Variants in ZNF618 observed in about 807,000 individuals in gnomAD.
ZNF618 encodes zinc finger protein 618.
In ZNF618, 34 loss-of-function variants were observed where a neutral mutation model predicts 103.0. The ratio of observed to expected loss-of-function variants is 0.33; its 90% CI spans 0.25 to 0.44. The LOEUF is 0.44. ZNF618 is among the 20% of genes least tolerant of loss of function. The pLI, the probability that ZNF618 is intolerant of heterozygous loss-of-function variation, is 1.00. For synonymous variants in ZNF618, 551 were observed against 542.2 expected (o/e 1.02, Z -0.23); for missense variants, 1,059 against 1,295.4 (o/e 0.82, Z 2.80).
At chr9:113,976,217 G>A (rs180799970) in intron 2 of ZNF618, among the ~76,000 whole-genome samples, 9 of 152,326 alleles carry the variant, frequency 5.9e-5, no homozygotes, top group African/African-American at 2.2e-4. Flanking sequence ...TCCAGCAAAG[G>A]GAATTGGTGG....
At chr9:113,936,864 T>C (rs1256373039) in intron 1 of ZNF618, among the ~76,000 whole-genome samples, 1 of 152,206 alleles carries the variant, frequency 6.6e-6, no homozygotes, top group Non-Finnish European at 1.5e-5. Flanking sequence ...GTGGGATTTC[T>C]TTTTGTGTGT....
intron 1 of ZNF618, among the ~76,000 whole-genome samples, chr9:113,923,480 T>C (rs1262036868): frequency 6.6e-6 from 1 of 152,142 alleles, no homozygotes; most frequent in Non-Finnish European, 1.5e-5. Context: ...TTTCCTAGCT[T>C]GCTAAGAGTT....
chr9:114,045,474 A>G (rs1336622930), intron 13 of ZNF618, among the ~76,000 whole-genome samples: 2 of 151,958 alleles, frequency 1.3e-5, no homozygotes, highest in African/African-American at 2.4e-5. Context: ...TGAAAAGACT[A>G]TTATTTTCCC....
At chr9:113,987,809 G>A (rs867107315) in intron 2 of ZNF618, among the ~76,000 whole-genome samples, 1 of 152,154 alleles carries the variant, frequency 6.6e-6, no homozygotes, top group African/African-American at 2.4e-5. Context: ...TTCTGCCTGC[G>A]CAACATAGTG....
intron 13 of ZNF618, among the ~76,000 whole-genome samples, chr9:114,040,149 G>A (rs1439796173): frequency 6.6e-6 from 1 of 152,132 alleles, no homozygotes; most frequent in African/African-American, 2.4e-5. Context: ...CTATGGAAGG[G>A]CAGAGAATAA....
At chr9:113,944,324 C>T (rs1025228055) in intron 1 of ZNF618, among the ~76,000 whole-genome samples, 1 of 152,206 alleles carries the variant, frequency 6.6e-6, no homozygotes, top group Non-Finnish European at 1.5e-5. Context: ...GTTACCTGGG[C>T]TGGAGTGCAG....
intron 1 of ZNF618, among the ~76,000 whole-genome samples, chr9:113,962,229 C>A (rs556253681): frequency 6.6e-6 from 1 of 152,146 alleles, no homozygotes; most frequent in Non-Finnish European, 1.5e-5. Flanking sequence ...TTGGAATCTT[C>A]CTTGACTCTT....
intron 1 of ZNF618, among the ~76,000 whole-genome samples, chr9:113,886,817 A>G (rs1298531662): frequency 6.6e-6 from 1 of 152,126 alleles, no homozygotes; most frequent in Non-Finnish European, 1.5e-5. Context: ...AAATGTGGGT[A>G]GTTAATCCAT....
At chr9:113,953,904 A>C (rs1836005081) in intron 1 of ZNF618, among the ~76,000 whole-genome samples, 1 of 152,152 alleles carries the variant, frequency 6.6e-6, no homozygotes, top group African/African-American at 2.4e-5. Flanking sequence ...CCAGTTGATC[A>C]ATATCTTTTG....
intron 12 of ZNF618, among the ~76,000 whole-genome samples, chr9:114,034,417 C>CT (rs1564328821): frequency 6.6e-6 from 1 of 152,218 alleles, no homozygotes; most frequent in Non-Finnish European, 1.5e-5. Context: ...CAATCGGGAA[C>CT]GATAGCGCAA....
At chr9:114,020,887 A>G (rs1488487879) in intron 10 of ZNF618, among the ~76,000 whole-genome samples, 1 of 152,020 alleles carries the variant, frequency 6.6e-6, no homozygotes, top group African/African-American at 2.4e-5. Context: ...CATAGAGTTC[A>G]GTTTTTTATT....
intron 2 of ZNF618, among the ~76,000 whole-genome samples, chr9:113,985,627 T>C (rs113544660): frequency 0.01 from 1,560 of 152,266 alleles, 18 homozygotes; most frequent in Non-Finnish European, 0.018. Flanking sequence ...ACGAGCATCT[T>C]GGTTTTGGCT....
chr9:114,019,202 T>G (rs968115193), intron 10 of ZNF618, among the ~76,000 whole-genome samples: 1 of 152,260 alleles, frequency 6.6e-6, no homozygotes, highest in Non-Finnish European at 1.5e-5. Context: ...TTTTTACTTC[T>G]GAGCAATGTT....
chr9:113,950,790 G>C (rs1214730825), intron 1 of ZNF618, among the ~76,000 whole-genome samples: 2 of 152,152 alleles, frequency 1.3e-5, no homozygotes, highest in African/African-American at 4.8e-5. Flanking sequence ...GAGTAGGGCA[G>C]TGTGGGGACA....
chr9:113,955,902 A>T (rs1474492277), intron 1 of ZNF618, among the ~76,000 whole-genome samples: 1 of 152,130 alleles, frequency 6.6e-6, no homozygotes. Context: ...GACCGGAAGA[A>T]GGGTGCTTTG....
chr9:113,906,128 G>A (rs1830967864), intron 1 of ZNF618, among the ~76,000 whole-genome samples: 1 of 152,196 alleles, frequency 6.6e-6, no homozygotes, highest in African/African-American at 2.4e-5. Flanking sequence ...ATTGATGAGA[G>A]TAGTTTTGGA....
At chr9:113,909,520 C>T (rs1321437123) in intron 1 of ZNF618, among the ~76,000 whole-genome samples, 3 of 152,236 alleles carry the variant, frequency 2.0e-5, no homozygotes, top group South Asian at 4.1e-4. Context: ...GTCCAGAAAC[C>T]TTGGGGTGTC....
Position 114,007,375 on chromosome 9 carries a change from C to G in ZNF618, c.576C>G (p.Ile192Met). The G allele has an allele frequency of 6.2e-7, 1 of 1,613,898 alleles. No homozygotes were observed. The highest frequency in any genetic ancestry group is 8.5e-7 in the Non-Finnish European group (1 of 1,179,870). The change falls in exon 7 of 15, where the codon ATC becomes ATG. Residue 192 changes from isoleucine (I) to methionine (M), a missense_variant. Physicochemically the swap from Ile to Met is conservative, Grantham distance 10. Around this residue, in one of 6 missense-constraint regions of ZNF618, gnomAD observed 434 missense variants for 476.0 expected, o/e 0.91. Transcript: ENST00000374126. ...ACAATTTCAGGTACACATGTGATAT[C>G]TGCGGGAAGAAGTACAAATACTACA... ...QSNNFRYTCD[I>M]CGKKYKYYSC...
intron 1 of ZNF618, among the ~76,000 whole-genome samples, chr9:113,884,079 T>C (rs1212017739): frequency 7.0e-6 from 1 of 142,782 alleles, no homozygotes; most frequent in African/African-American, 2.6e-5. Context: ...TTTCCTGCCA[T>C]GTCTGTGTGT....
Sources: gnomAD v4.1 joint callset for allele counts (sites outside exome capture counted in the v4.1 genomes callset) on GRCh38, gnomAD v4.1.1 for gene constraint, gnomAD v4.1.1 regional missense constraint, MANE v1.5 for transcripts, NCBI Gene and HGNC (gene_info 2026-07-23, HGNC 2026-07-21) for gene names.